ITPK1: variants seen among roughly 807,000 people sequenced by gnomAD.
The protein encoded by ITPK1 is inositol 1,3,4-trisphosphate 5/6-kinase.
ITPK1 carries 21 observed loss-of-function variants against 45.3 expected under a neutral mutation model. The observed-to-expected ratio is 0.46, with a 90% CI of 0.33 to 0.67. The LOEUF is 0.67. Ranked by LOEUF, ITPK1 falls within the 30% of genes least tolerant of loss-of-function variation. The pLI, the probability that ITPK1 is intolerant of heterozygous loss-of-function variation, is 0.02. For missense variants in ITPK1, 474 were observed against 573.5 expected, an observed-to-expected ratio of 0.83 and a Z score of 1.77; for synonymous variants, 258 against 253.6, an observed-to-expected ratio of 1.02 and a Z score of -0.16.
intron 3 of ITPK1, among the ~76,000 whole-genome samples, chr14:93,025,853 G>A (rs1000487523): frequency 6.6e-6 from 1 of 152,066 alleles, no homozygotes; most frequent in Non-Finnish European, 1.5e-5. Flanking sequence ...TGGGTGTGGT[G>A]GCTCATGCCT....
At position 93,018,517 on chromosome 14, in the gene ITPK1, G is replaced by A. The variant is rs552599609; in HGVS notation, c.121-1716C>T. Among the ~76,000 whole-genome samples, 58 of 152,198 alleles carry A rather than the reference G, an allele frequency of 3.8e-4. 1 individual carries two copies. Among genetic ancestry groups the A allele is most frequent in the African/African-American group, 1.3e-3 (55 of 41,516 alleles). On this transcript the variant is annotated intron_variant, in intron 3 of 10. Transcript: ENST00000267615. The stretch of plus-strand genomic sequence containing the variant: ...ACTGTTTGCCAGGAAAGATGTTAAG[G>A]GATTTCCCCTATATAGAAAAAAAAA...
intron 5 of ITPK1, 46 bp from the exon 6 acceptor site, chr14:92,962,895 C>A: frequency 7.2e-7 from 1 of 1,389,166 alleles, no homozygotes; most frequent in Non-Finnish European, 1.0e-6. Flanking sequence ...TGGGCAGCCG[C>A]CCCAGGTGCA....
At chr14:93,009,741 C>A (rs1193269001) in intron 4 of ITPK1, among the ~76,000 whole-genome samples, 1 of 152,198 alleles carries the variant, frequency 6.6e-6, no homozygotes, top group Non-Finnish European at 1.5e-5. Flanking sequence ...AACTCTGCCT[C>A]CCGTAGCATC....
rs1391734270 is a variant in ITPK1, at chr14:92,958,749, G to A, written c.505-383C>T. Among the ~76,000 whole-genome samples, 1 of 152,220 alleles carries A rather than the reference G, an allele frequency of 6.6e-6. No individual in the cohort carries two copies. Among genetic ancestry groups the A allele is most frequent in the African/African-American group, 2.4e-5 (1 of 41,444 alleles). On this transcript the variant is annotated intron_variant, in intron 7 of 10. Coordinates refer to ENST00000267615, the MANE Select transcript of ITPK1 (RefSeq NM_014216.6). The surrounding 1 kb of genome is among the most constrained non-coding windows in gnomAD (Gnocchi z 4.4). ...AGGATCCTCCACAAAGACCCGGGAG[G>A]AGGAAGGAAGCAGATGACTCGGGCG...
chr14:92,985,630 G>A (rs920181724), intron 5 of ITPK1, among the ~76,000 whole-genome samples: 1 of 151,952 alleles, frequency 6.6e-6, no homozygotes, highest in African/African-American at 2.4e-5. Flanking sequence ...TTGCAAACAC[G>A]GGGCTGGGCG....
At chr14:93,041,775 C>A (rs1354093307) in intron 3 of ITPK1, among the ~76,000 whole-genome samples, 1 of 152,210 alleles carries the variant, frequency 6.6e-6, no homozygotes, top group Non-Finnish European at 1.5e-5. Flanking sequence ...GTGCTCGCAC[C>A]CAGCACTACA....
intron 3 of ITPK1, chr14:93,066,178 C>G (rs1234734294): frequency 1.1e-5 from 5 of 449,652 alleles, no homozygotes; most frequent in South Asian, 7.9e-5. Context: ...GTCCTTAATT[C>G]ACTCACCCAG....
chr14:93,057,097 C>T lies in ITPK1; in HGVS notation c.120+19498G>A, dbSNP rs184390336. 7.5e-4 allele frequency among the ~76,000 whole-genome samples: 114 copies of T among 152,140 alleles called. 2 individuals are homozygous for T. Among genetic ancestry groups the T allele is most frequent in the East Asian group, 6.2e-3 (32 of 5,182 alleles). On this transcript the variant is annotated intron_variant, in intron 3 of 10. Transcript: ENST00000267615. ...AAATGCCACCCGGGAGACCATAGGC[C>T]GAGGATGAGTAATGCTGTCAGGATT...
At chr14:92,989,483 C>T (rs1886670809) in intron 5 of ITPK1, among the ~76,000 whole-genome samples, 1 of 152,214 alleles carries the variant, frequency 6.6e-6, no homozygotes, top group African/African-American at 2.4e-5. Flanking sequence ...GCCCAGGTGC[C>T]TTCTCATACA....
At chr14:93,114,463 T>G (rs1441855443) in intron 2 of ITPK1, among the ~76,000 whole-genome samples, 1 of 152,238 alleles carries the variant, frequency 6.6e-6, no homozygotes, top group Non-Finnish European at 1.5e-5. Flanking sequence ...GTCCCCGTTC[T>G]CAGACAGGTG....
intron 8 of ITPK1, among the ~76,000 whole-genome samples, chr14:92,956,904 G>T (rs917112010): frequency 6.6e-6 from 1 of 152,198 alleles, no homozygotes; most frequent in African/African-American, 2.4e-5. Context: ...GTGGGCAGGG[G>T]CTGGGACCAT....
intron 5 of ITPK1, among the ~76,000 whole-genome samples, chr14:92,988,169 C>T (rs930618183): frequency 2.6e-5 from 4 of 152,230 alleles, no homozygotes; most frequent in African/African-American, 9.6e-5. Context: ...GACCCTACCT[C>T]CCTGGCACCC....
Position 93,012,934 on chromosome 14 carries a change from C to T in ITPK1, c.246+3742G>A, listed in dbSNP as rs1887985816. On this transcript the variant is annotated intron_variant, in intron 4 of 10. Transcript: ENST00000267615. The surrounding 1 kb of genome is among the most constrained non-coding windows in gnomAD (Gnocchi z 4.9). ...GGCTAGAAGGGGCAGCAGAAGAGGA[C>T]GGTGGGCCCCTCCCTTCCCACCCTG... Among the ~76,000 whole-genome samples, 3 of 152,208 alleles carry T rather than the reference C, an allele frequency of 2.0e-5. No individual in the cohort carries two copies. The highest frequency in any genetic ancestry group is 1.3e-4 in the Admixed American group (2 of 15,284).
Position 93,087,628 on chromosome 14 carries a change from T to G in ITPK1, c.96-11009A>C, listed in dbSNP as rs533244960. Among the ~76,000 whole-genome samples the G allele has an allele frequency of 3.3e-5, 5 of 152,342 alleles. No homozygotes were observed. The South Asian group carries it at 1.0e-3, about 32-fold the overall frequency. ...TCTGAGGATTAGAACCTGCTGTCTT[T>G]GGTGGGGAGTGGCAGGGGCCTTACT... is the stretch of plus-strand genomic sequence containing the variant. On this transcript the variant is annotated intron_variant, in intron 2 of 10. Transcript: ENST00000267615.
Position 93,014,537 on chromosome 14 carries a change from A to G in ITPK1, c.246+2139T>C, listed in dbSNP as rs770826626. 1.3e-5 allele frequency among the ~76,000 whole-genome samples: 2 copies of G among 152,204 alleles called. No homozygotes were observed. Among genetic ancestry groups the G allele is most frequent in the Admixed American group, 6.5e-5 (1 of 15,278 alleles). ...ACACCCACAGGCATTTACTCCTCCC[A>G]GCAACCTGCCCACCCAAGGAGGAAG... On this transcript the variant is annotated intron_variant, in intron 4 of 10. Transcript: ENST00000267615. The surrounding 1 kb of genome is among the most constrained non-coding windows in gnomAD (Gnocchi z 4.4).
In ITPK1 at chr14:93,055,475, C is replaced by T. The variant is rs532211013; in HGVS notation, c.120+21120G>A. 1.1e-4 allele frequency among the ~76,000 whole-genome samples: 17 copies of T among 152,244 alleles called. No homozygotes were observed. The South Asian group carries it at 3.3e-3, about 30-fold the overall frequency. ...CCTCACTCGCCACCCACACTTCTTTCTGTTTTCAGTCTCTCAACCTAGACA... is the reference window on the plus strand; with the variant it reads ...CCTCACTCGCCACCCACACTTCTTTTTGTTTTCAGTCTCTCAACCTAGACA... On this transcript the variant is annotated intron_variant, in intron 3 of 10. Transcript: ENST00000267615.
rs1001718319 is a variant in ITPK1, at chr14:93,036,441, C to T, written c.121-19640G>A. Among the ~76,000 whole-genome samples the T allele has an allele frequency of 4.6e-5, 7 of 152,200 alleles. No individual in the cohort carries two copies. The highest frequency in any genetic ancestry group is 1.7e-4 in the African/African-American group (7 of 41,436). On this transcript the variant is annotated intron_variant, in intron 3 of 10. Transcript: ENST00000267615. The surrounding 1 kb of genome is among the most constrained non-coding windows in gnomAD (Gnocchi z 4.1). ...TCCTCAGTATTCACGGCTGCTTTCC[C>T]GCACGTCAGACACAGCCAACAATGA...
chr14:93,110,412 C>T (rs999900323), intron 2 of ITPK1, among the ~76,000 whole-genome samples: 1 of 152,216 alleles, frequency 6.6e-6, no homozygotes, highest in African/African-American at 2.4e-5. Flanking sequence ...AAAGATCCTC[C>T]TTCCTCCCTG....
intron 5 of ITPK1, among the ~76,000 whole-genome samples, chr14:92,982,892 C>T (rs751944428): frequency 9.9e-5 from 15 of 152,210 alleles, no homozygotes; most frequent in Non-Finnish European, 2.1e-4. Flanking sequence ...GTGCAACCTC[C>T]CTGCTAGCAG....
Sources: allele counts gnomAD v4.1 joint callset (sites outside exome capture counted in the v4.1 genomes callset), GRCh38; gene constraint gnomAD v4.1.1; non-coding constraint Gnocchi (gnomAD v3.1); transcripts MANE v1.5; gene names NCBI Gene and HGNC (gene_info 2026-07-23, HGNC 2026-07-21).